TMEM38B: variants seen among roughly 807,000 people sequenced by gnomAD.
TMEM38B encodes trimeric intracellular cation channel type B.
Under a neutral mutation model 28.7 loss-of-function variants are expected in TMEM38B, and 24 were observed. That is an observed-to-expected ratio of 0.84 (90% CI 0.61 to 1.18). The LOEUF (loss-of-function observed/expected upper bound fraction) is 1.18, where lower values mean the gene tolerates loss of function less well. Among genes scored for constraint, TMEM38B ranks in the 50% most tolerant of loss-of-function variants. The probability of loss-of-function intolerance (pLI) is 0.00; values close to 1 mark genes in which losing one functional copy is unlikely to be tolerated. For synonymous variants in TMEM38B, 131 were observed against 127.7 expected (o/e 1.03, Z -0.17); for missense variants, 380 against 350.9 (o/e 1.08, Z -0.66).
intron 5 of TMEM38B, among the ~76,000 whole-genome samples, chr9:105,763,849 C>A (rs1248376681): frequency 6.6e-6 from 1 of 150,932 alleles, no homozygotes; most frequent in Non-Finnish European, 1.5e-5. Context: ...ACTGGCAAAC[C>A]GAATCCAGCA....
chr9:105,757,692 G>A (rs1837881967), intron 5 of TMEM38B, among the ~76,000 whole-genome samples: 1 of 152,140 alleles, frequency 6.6e-6, no homozygotes, highest in Non-Finnish European at 1.5e-5. Flanking sequence ...CATAAGGAAC[G>A]GTAAAGAATG....
At chr9:105,702,040 C>G (rs1835478491) in intron 1 of TMEM38B, among the ~76,000 whole-genome samples, 2 of 152,026 alleles carry the variant, frequency 1.3e-5, no homozygotes, top group Admixed American at 1.3e-4. Context: ...CATAGTGAGA[C>G]CCCATCTCTG....
At chr9:105,759,371 T>C (rs780321923) in intron 5 of TMEM38B, 4 of 1,360,810 alleles carry the variant, frequency 2.9e-6, no homozygotes, top group Non-Finnish European at 4.1e-6. Flanking sequence ...GTCTGCTTCA[T>C]AGAGAAAAAA....
intron 4 of TMEM38B, among the ~76,000 whole-genome samples, chr9:105,747,246 A>G (rs1347847265): frequency 6.6e-6 from 1 of 152,140 alleles, no homozygotes; most frequent in Non-Finnish European, 1.5e-5. Context: ...TATTGCCTCA[A>G]TTTCAGAGCC....
At chr9:105,751,067 C>T (rs931158314) in intron 5 of TMEM38B, among the ~76,000 whole-genome samples, 8 of 152,142 alleles carry the variant, frequency 5.3e-5, no homozygotes, top group Non-Finnish European at 1.0e-4. Context: ...GAAATCAAGA[C>T]GTGTGACTCT....
chr9:105,756,155 C>CAAAT (rs528787995), intron 5 of TMEM38B, among the ~76,000 whole-genome samples: 142 of 152,218 alleles, frequency 9.3e-4, no homozygotes, highest in African/African-American at 3.2e-3. Context: ...TCTCAAAAAA[C>CAAAT]AAATAAATAA....
intron 1 of TMEM38B, among the ~76,000 whole-genome samples, chr9:105,695,203 C>T (rs570034509): frequency 1.3e-5 from 2 of 151,994 alleles, no homozygotes; most frequent in East Asian, 1.9e-4. Flanking sequence ...GCCACTCGCT[C>T]GCAGTGTTTG....
At chr9:105,718,504 C>T (rs1836196802) in intron 2 of TMEM38B, among the ~76,000 whole-genome samples, 1 of 152,170 alleles carries the variant, frequency 6.6e-6, no homozygotes, top group Non-Finnish European at 1.5e-5. Context: ...TCCCAAAGTG[C>T]TGGGATTACA....
intron 1 of TMEM38B, among the ~76,000 whole-genome samples, chr9:105,699,595 A>C (rs1835397685): frequency 6.6e-6 from 1 of 152,216 alleles, no homozygotes; most frequent in African/African-American, 2.4e-5. Context: ...GAAGGACTGC[A>C]TCCCATTTTT....
At position 105,750,633 on chromosome 9, in the gene TMEM38B, A is replaced by G. The variant is rs181614379; in HGVS notation, c.660+2443A>G. On this transcript the variant is annotated intron_variant, in intron 5 of 5. Transcript: ENST00000374692. Reference sequence around the variant, plus strand: ...TGTCTCAAAAAACAAAAAACAAAAAACACACATTTTTTTTATGAGTCCAAT... The same window carrying G: ...TGTCTCAAAAAACAAAAAACAAAAAGCACACATTTTTTTTATGAGTCCAAT... Among the ~76,000 whole-genome samples the G allele has an allele frequency of 1.8e-3, 280 of 152,042 alleles. 2 individuals carry two copies. Among genetic ancestry groups the G allele is most frequent in the East Asian group, 0.015 (79 of 5,162 alleles).
At chr9:105,768,561 T>G (rs1477729501) in intron 5 of TMEM38B, among the ~76,000 whole-genome samples, 2 of 152,080 alleles carry the variant, frequency 1.3e-5, no homozygotes, top group African/African-American at 4.8e-5. Flanking sequence ...AAAGGAAGGT[T>G]TTTGATAACA....
At chr9:105,695,960 T>TA (rs1435434897) in intron 1 of TMEM38B, among the ~76,000 whole-genome samples, 3 of 152,218 alleles carry the variant, frequency 2.0e-5, no homozygotes, top group Admixed American at 6.5e-5. Context: ...AGAATTTGAT[T>TA]AAAAAAATTT....
intron 4 of TMEM38B, among the ~76,000 whole-genome samples, chr9:105,724,634 AAAAG>A (rs200338175): frequency 0.024 from 3,514 of 147,098 alleles, 66 homozygotes; most frequent in Middle Eastern, 0.082. Context: ...AAAAAAAAAA[AAAAG>A]AAGAAGGTGG....
Position 105,774,685 on chromosome 9 carries a change from A to G in TMEM38B, c.*605A>G, listed in dbSNP as rs1456267759. 2 of 152,012 alleles carry G rather than the reference A, an allele frequency of 1.3e-5. No individual in the cohort carries two copies. The highest frequency in any genetic ancestry group is 1.9e-4 in the East Asian group (1 of 5,194). 9.4% of individuals were successfully genotyped at this position (152,012 alleles called of 1,614,324 possible). On this transcript the variant is annotated 3_prime_UTR_variant, in exon 6 of 6. Transcript: ENST00000374692. The stretch of plus-strand genomic sequence containing the variant: ...ATATCTGAAATTTTTTTTCCATAGC[A>G]GGTATTTTCTACTAGAAGTAGTTTT...
chr9:105,748,009 T>A (rs1837491097), intron 4 of TMEM38B, 64 bp from the exon 5 acceptor site: 3 of 1,140,700 alleles, frequency 2.6e-6, no homozygotes, highest in African/African-American at 1.5e-5. Flanking sequence ...CAGTGCACTC[T>A]TTGAGAAAGT....
chr9:105,703,306 G>A (rs889606849), intron 1 of TMEM38B, among the ~76,000 whole-genome samples: 5 of 152,124 alleles, frequency 3.3e-5, no homozygotes, highest in Non-Finnish European at 4.4e-5. Context: ...CCAACATGGT[G>A]GAACTCTGTC....
intron 4 of TMEM38B, among the ~76,000 whole-genome samples, chr9:105,747,477 A>G (rs923776085): frequency 3.3e-5 from 5 of 151,316 alleles, no homozygotes; most frequent in Admixed American, 6.6e-5. Flanking sequence ...TTTCTTCTTT[A>G]TTAGTCTTGC....
chr9:105,723,888 G>A (rs1354965946), intron 4 of TMEM38B, among the ~76,000 whole-genome samples: 1 of 151,782 alleles, frequency 6.6e-6, no homozygotes, highest in East Asian at 1.9e-4. Context: ...AGACCAGAGT[G>A]CAATGGTGTG....
At chr9:105,759,653 C>T in intron 5 of TMEM38B, 1 of 1,601,300 alleles carries the variant, frequency 6.2e-7, no homozygotes, top group Non-Finnish European at 8.5e-7. Flanking sequence ...CAATCTTTTC[C>T]AAACATAGAA....
Sources: gnomAD v4.1 joint callset for allele counts (sites outside exome capture counted in the v4.1 genomes callset) on GRCh38, gnomAD v4.1.1 for gene constraint, MANE v1.5 for transcripts, NCBI Gene and HGNC (gene_info 2026-07-23, HGNC 2026-07-21) for gene names.